GPC6: variants seen among roughly 807,000 people sequenced by gnomAD.
GPC6 encodes glypican-6.
GPC6 carries 14 observed loss-of-function variants against 55.2 expected under a neutral mutation model. The ratio of observed to expected loss-of-function variants is 0.25; its 90% CI spans 0.17 to 0.40. GPC6 has a LOEUF of 0.40. GPC6 is among the 10% of genes least tolerant of loss of function. GPC6 has a pLI of 1.00. For synonymous variants in GPC6, 278 were observed against 259.6 expected, an observed-to-expected ratio of 1.07 and a Z score of -0.68; for missense variants, 641 against 708.5, an observed-to-expected ratio of 0.90 and a Z score of 1.08.
At position 93,378,705 on chromosome 13, in the gene GPC6, G is replaced by A. The variant is rs111536631; in HGVS notation, c.160+151089G>A. 4.3e-3 allele frequency among the ~76,000 whole-genome samples: 660 copies of A among 152,188 alleles called. 6 individuals carry two copies. The highest frequency in any genetic ancestry group is 0.015 in the African/African-American group (628 of 41,538). On this transcript the variant is annotated intron_variant, in intron 1 of 8. Transcript: ENST00000377047. ...CTATCCTTATTGTTTTTAAAAATCA[G>A]TGTAAAGAAGCCGGGCGCGGTGGCT...
At chr13:93,462,722 A>T (rs1161664747) in intron 1 of GPC6, among the ~76,000 whole-genome samples, 1 of 152,038 alleles carries the variant, frequency 6.6e-6, no homozygotes, top group Non-Finnish European at 1.5e-5. Context: ...GTAAAACATT[A>T]TAGTAAAGAG....
chr13:94,120,526 T>C (rs566748965), intron 4 of GPC6, among the ~76,000 whole-genome samples: 1 of 152,002 alleles, frequency 6.6e-6, no homozygotes, highest in Non-Finnish European at 1.5e-5. Flanking sequence ...TACATATGGT[T>C]TCTTTTTTTT....
chr13:93,867,259 A>G (rs1888993372), intron 3 of GPC6, among the ~76,000 whole-genome samples: 1 of 151,758 alleles, frequency 6.6e-6, no homozygotes, highest in South Asian at 2.1e-4. Context: ...AAAACTTGGA[A>G]CATTTTACAG....
chr13:93,351,040 G>A (rs1880612467), intron 1 of GPC6, among the ~76,000 whole-genome samples: 1 of 152,130 alleles, frequency 6.6e-6, no homozygotes, highest in East Asian at 1.9e-4. Context: ...TATAACAACA[G>A]TAATAAACAC....
In GPC6 at chr13:94,115,131, C is replaced by A. The variant is rs566850398; in HGVS notation, c.877+87237C>A. On this transcript the variant is annotated intron_variant, in intron 4 of 8. Coordinates refer to ENST00000377047, the MANE Select transcript of GPC6 (RefSeq NM_005708.5). ...AGTGTACAAGTGCTCTCCAAGGAAA[C>A]CAGGCCATAGGTTTATAGAATGAAA... Among the ~76,000 whole-genome samples, 3 of 152,244 alleles carry A rather than the reference C, an allele frequency of 2.0e-5. No homozygotes were observed. In the East Asian group the frequency reaches 5.8e-4, roughly 29 times the overall value.
intron 6 of GPC6, among the ~76,000 whole-genome samples, chr13:94,316,716 CAAAAA>C (rs56304226): frequency 9.5e-6 from 1 of 105,068 alleles, no homozygotes; most frequent in African/African-American, 3.4e-5. Context: ...GACTCCGTCT[CAAAAA>C]AAAAAAAAAA....
chr13:93,368,347 TC>T (rs1449687902), intron 1 of GPC6, among the ~76,000 whole-genome samples: 2 of 65,596 alleles, frequency 3.0e-5, no homozygotes, highest in Admixed American at 2.4e-4. Context: ...TTTCCTTCCT[TC>T]CTTCCTTCCT....
chr13:93,631,509 T>C (rs776197155), intron 2 of GPC6, among the ~76,000 whole-genome samples: 69 of 152,236 alleles, frequency 4.5e-4, no homozygotes, highest in Non-Finnish European at 6.8e-4. Context: ...TCTGTGATAC[T>C]ACTTTTTATA....
At chr13:93,621,814 C>T (rs998090501) in intron 2 of GPC6, among the ~76,000 whole-genome samples, 16 of 152,050 alleles carry the variant, frequency 1.1e-4, no homozygotes, top group African/African-American at 3.6e-4. Context: ...ATGGTCAAGT[C>T]AGGTTATTTC....
At chr13:93,746,785 A>G (rs1382728577) in intron 2 of GPC6, among the ~76,000 whole-genome samples, 1 of 152,174 alleles carries the variant, frequency 6.6e-6, no homozygotes, top group East Asian at 1.9e-4. Context: ...CTGGGTTCAA[A>G]GCCTACTCTT....
At chr13:93,469,350 T>C (rs1235683728) in intron 1 of GPC6, among the ~76,000 whole-genome samples, 2 of 152,172 alleles carry the variant, frequency 1.3e-5, no homozygotes, top group Non-Finnish European at 2.9e-5. Context: ...GTAAACATCA[T>C]TATATTCAGG....
intron 2 of GPC6, among the ~76,000 whole-genome samples, chr13:93,698,235 G>T (rs930921396): frequency 1.3e-5 from 2 of 152,068 alleles, no homozygotes; most frequent in Admixed American, 1.3e-4. Context: ...TTTTGCCCTG[G>T]TATATGGTGA....
rs565517272 is a variant in GPC6 at position 93,444,135 on chromosome 13, T to C, written c.161-101128T>C. On this transcript the variant is annotated intron_variant, in intron 1 of 8. Transcript: ENST00000377047. ...CAATTGTTGAAAAATGTTATCAAAATATACTACTAAAAGTATCCACAGCAA... is the reference window on the plus strand; with the variant it reads ...CAATTGTTGAAAAATGTTATCAAAACATACTACTAAAAGTATCCACAGCAA... 3.3e-5 allele frequency among the ~76,000 whole-genome samples: 5 copies of C among 151,264 alleles called. No individual in the cohort carries two copies. The East Asian group carries it at 5.9e-4, about 18-fold the overall frequency.
At chr13:94,039,719 A>G (rs1883465397) in intron 4 of GPC6, among the ~76,000 whole-genome samples, 1 of 151,888 alleles carries the variant, frequency 6.6e-6, no homozygotes, top group African/African-American at 2.4e-5. Flanking sequence ...TTCACAGCCC[A>G]GATGTGGCCA....
intron 1 of GPC6, among the ~76,000 whole-genome samples, chr13:93,334,513 A>T (rs952495565): frequency 3.9e-5 from 6 of 152,082 alleles, no homozygotes; most frequent in African/African-American, 1.4e-4. Context: ...CCCAGACTGG[A>T]GTGCAGTGGT....
intron 4 of GPC6, among the ~76,000 whole-genome samples, chr13:94,241,687 C>G (rs1209578528): frequency 6.6e-6 from 1 of 152,044 alleles, no homozygotes; most frequent in Non-Finnish European, 1.5e-5. Flanking sequence ...TGTTTCTACT[C>G]TATCTGTATT....
At chr13:93,696,469 A>G (rs1193939446) in intron 2 of GPC6, among the ~76,000 whole-genome samples, 2 of 152,088 alleles carry the variant, frequency 1.3e-5, no homozygotes, top group East Asian at 3.9e-4. Flanking sequence ...TTCTTGTTTT[A>G]TATAACTTCA....
chr13:93,655,248 C>T (rs961829617), intron 2 of GPC6, among the ~76,000 whole-genome samples: 2 of 152,036 alleles, frequency 1.3e-5, no homozygotes, highest in Non-Finnish European at 2.9e-5. Context: ...GATATATGAA[C>T]ACAAATGCTT....
chr13:93,297,710 T>C (rs1201075052), intron 1 of GPC6, among the ~76,000 whole-genome samples: 1 of 152,046 alleles, frequency 6.6e-6, no homozygotes, highest in Non-Finnish European at 1.5e-5. Context: ...CTCCAGAAAT[T>C]CCTTATCATT....
Sources: allele counts gnomAD v4.1 joint callset (sites outside exome capture counted in the v4.1 genomes callset), GRCh38; gene constraint gnomAD v4.1.1; transcripts MANE v1.5; gene names NCBI Gene and HGNC (gene_info 2026-07-23, HGNC 2026-07-21).